ZC2HC1B: variants seen among roughly 807,000 people sequenced by gnomAD.
The protein encoded by ZC2HC1B is zinc finger C2HC-type containing 1B, also known as zinc finger C2HC domain-containing protein 1B.
Under a neutral mutation model 31.0 loss-of-function variants are expected in ZC2HC1B, and 36 were observed. That is an observed-to-expected ratio of 1.16 (90% CI 0.89 to 1.54). ZC2HC1B has a LOEUF of 1.54. Among genes scored for constraint, ZC2HC1B ranks in the 40% most tolerant of loss-of-function variants. ZC2HC1B has a pLI of 0.00. For synonymous variants in ZC2HC1B, 73 were observed against 88.0 expected (o/e 0.83, Z 0.95); for missense variants, 260 against 268.6 (o/e 0.97, Z 0.22).
rs990274276 is a variant in ZC2HC1B, at chr6:143,921,018, G to C, written c.599-16631G>C. Among the ~76,000 whole-genome samples, 3 of 151,608 alleles carry C rather than the reference G, an allele frequency of 2.0e-5. No homozygotes were observed. Among genetic ancestry groups the C allele is most frequent in the African/African-American group, 7.3e-5 (3 of 41,206 alleles). On this transcript the variant is annotated intron_variant, in intron 6 of 7. Coordinates refer to ENST00000237275, the MANE Select transcript of ZC2HC1B (RefSeq NM_001013623.3). This position sits in a 1 kb window ranked among gnomAD's most constrained non-coding sequence, Gnocchi z 6.1. ...CGAATCCCAAATGTAATACAATGCT[G>C]TTTCTTCTTAATCCTGCTCCAGCTA...
chr6:143,877,272 C>CTTTTTTTTTTTTTTTTTTTT (rs34994479), intron 1 of ZC2HC1B, among the ~76,000 whole-genome samples: 3 of 42,594 alleles, frequency 7.0e-5, no homozygotes, highest in African/African-American at 2.4e-4. Flanking sequence ...TTTTTAATTT[C>CTTTTTTTTTTTTTTTTTTTT]TTTTTTTTTT....
At chr6:143,931,518 C>T (rs1313621102) in intron 6 of ZC2HC1B, among the ~76,000 whole-genome samples, 2 of 152,150 alleles carry the variant, frequency 1.3e-5, no homozygotes, top group African/African-American at 4.8e-5. Context: ...GTAGTGCTGG[C>T]ATGGTAGTGG....
chr6:143,889,614 A>G (rs1777573689), intron 4 of ZC2HC1B, among the ~76,000 whole-genome samples: 1 of 152,156 alleles, frequency 6.6e-6, no homozygotes, highest in Non-Finnish European at 1.5e-5. Context: ...AAGAAGACCT[A>G]TCAGTTTTAA....
At chr6:143,932,041 T>A (rs1044212154) in intron 6 of ZC2HC1B, among the ~76,000 whole-genome samples, 2 of 151,934 alleles carry the variant, frequency 1.3e-5, no homozygotes, top group African/African-American at 4.8e-5. Context: ...ACCCAGCTAA[T>A]TTTTAGTATT....
At chr6:143,920,270 C>G (rs1777972135) in intron 6 of ZC2HC1B, among the ~76,000 whole-genome samples, 1 of 152,092 alleles carries the variant, frequency 6.6e-6, no homozygotes, top group Admixed American at 6.6e-5. Flanking sequence ...ACACGAGGGT[C>G]TAGAACCATT....
At chr6:143,926,071 CTT>C (rs1389869083) in intron 6 of ZC2HC1B, among the ~76,000 whole-genome samples, 1 of 152,086 alleles carries the variant, frequency 6.6e-6, no homozygotes, top group Non-Finnish European at 1.5e-5. Context: ...AAAAAACTAA[CTT>C]TTCATTCCAT....
chr6:143,911,803 G>T lies in ZC2HC1B; in HGVS notation c.598+8651G>T, dbSNP rs561785806. Among the ~76,000 whole-genome samples the T allele has an allele frequency of 6.6e-6, 1 of 152,208 alleles. No homozygotes were observed. Among genetic ancestry groups the T allele is most frequent in the East Asian group, 1.9e-4 (1 of 5,174 alleles). ...GGGGTTCTCCACATTTCCTGAATTTGAATATTGGCCTGTCATGCTAGGTTG... is the reference window on the plus strand; with the variant it reads ...GGGGTTCTCCACATTTCCTGAATTTTAATATTGGCCTGTCATGCTAGGTTG... On this transcript the variant is annotated intron_variant, in intron 6 of 7. Coordinates refer to ENST00000237275, the MANE Select transcript of ZC2HC1B (RefSeq NM_001013623.3). The surrounding 1 kb of genome is among the most constrained non-coding windows in gnomAD (Gnocchi z 4.5).
intron 6 of ZC2HC1B, among the ~76,000 whole-genome samples, chr6:143,932,748 C>G (rs545865114): frequency 6.6e-6 from 1 of 152,254 alleles, no homozygotes; most frequent in Non-Finnish European, 1.5e-5. Flanking sequence ...TGTCATATTG[C>G]CAGAATTGCT....
At position 143,868,026 on chromosome 6, in the gene ZC2HC1B, A is replaced by G. The variant is rs986674768; in HGVS notation, c.28+3459A>G. ...TTGGATTGACAGCTTGACTGAATAT[A>G]GAATTCTTGGTTGTAGATTATTTTA... On this transcript the variant is annotated intron_variant, in intron 1 of 7. Coordinates refer to ENST00000237275, the MANE Select transcript of ZC2HC1B (RefSeq NM_001013623.3). The surrounding 1 kb of genome is among the most constrained non-coding windows in gnomAD (Gnocchi z 4.2). Among the ~76,000 whole-genome samples, 5 of 152,212 alleles carry G rather than the reference A, an allele frequency of 3.3e-5. No individual in the cohort carries two copies. Among genetic ancestry groups the G allele is most frequent in the African/African-American group, 1.2e-4 (5 of 41,454 alleles).
At chr6:143,935,646 CTTTTTTTT>C (rs759896830) in intron 6 of ZC2HC1B, among the ~76,000 whole-genome samples, 13 of 55,854 alleles carry the variant, frequency 2.3e-4, no homozygotes, top group Admixed American at 1.6e-3. Flanking sequence ...TGGTATCACT[CTTTTTTTT>C]TTTTTTTTTT....
In ZC2HC1B at chr6:143,865,812, A is replaced by T. The variant is rs116600187; in HGVS notation, c.28+1245A>T. On this transcript the variant is annotated intron_variant, in intron 1 of 7. Coordinates refer to ENST00000237275, the MANE Select transcript of ZC2HC1B (RefSeq NM_001013623.3). This position sits in a 1 kb window ranked among gnomAD's most constrained non-coding sequence, Gnocchi z 4.4. The stretch of plus-strand genomic sequence containing the variant: ...GGGGGCAAAATCTTGAAGAATTTGT[A>T]TCTTAAACTTTTTTTTTTTGCCAAG... 6.6e-6 allele frequency among the ~76,000 whole-genome samples: 1 copy of T among 152,080 alleles called. No homozygotes were observed. The highest frequency in any genetic ancestry group is 1.5e-5 in the Non-Finnish European group (1 of 68,006).
chr6:143,930,388 T>C (rs946213129), intron 6 of ZC2HC1B, among the ~76,000 whole-genome samples: 1 of 147,918 alleles, frequency 6.8e-6, no homozygotes, highest in Non-Finnish European at 1.5e-5. Flanking sequence ...TTTCTTTTTT[T>C]TTTTTTTTTT....
At chr6:143,914,522 C>G (rs1777895568) in intron 6 of ZC2HC1B, among the ~76,000 whole-genome samples, 1 of 152,102 alleles carries the variant, frequency 6.6e-6, no homozygotes, top group Non-Finnish European at 1.5e-5. Context: ...TGCATGTGCC[C>G]TTGAGAAACA....
chr6:143,910,473 T>G (rs1428013398), intron 6 of ZC2HC1B, among the ~76,000 whole-genome samples: 1 of 152,238 alleles, frequency 6.6e-6, no homozygotes, highest in Non-Finnish European at 1.5e-5. Context: ...TTTAGATATC[T>G]ATCAGGCCCA....
chr6:143,878,743 TA>T lies in ZC2HC1B; in HGVS notation c.29-5559del, dbSNP rs1289016530. 2.0e-5 allele frequency among the ~76,000 whole-genome samples: 3 copies of T among 152,182 alleles called. 1 individual carries two copies. Among genetic ancestry groups the T allele is most frequent in the African/African-American group, 4.8e-5 (2 of 41,444 alleles). On this transcript the variant is annotated intron_variant, in intron 1 of 7. Coordinates refer to ENST00000237275, the MANE Select transcript of ZC2HC1B (RefSeq NM_001013623.3). Reference sequence around the variant, plus strand: ...TTGTGACCAGAGACTCACAGGAACCTAACCCTATATTTCCCCTAGGAGCCAC... The same window carrying T: ...TTGTGACCAGAGACTCACAGGAACCTACCCTATATTTCCCCTAGGAGCCAC...
chr6:143,937,825 A>G (rs1212598176), intron 7 of ZC2HC1B, 92 bp downstream of exon 7: 1 of 904,976 alleles, frequency 1.1e-6, no homozygotes, highest in Non-Finnish European at 1.6e-6. Context: ...CTGAAGAGAC[A>G]TCTGGACAAA....
chr6:143,910,499 A>G (rs185145714), intron 6 of ZC2HC1B, among the ~76,000 whole-genome samples: 20 of 152,336 alleles, frequency 1.3e-4, no homozygotes, highest in Admixed American at 3.3e-4. Context: ...TCCAGAGCTG[A>G]GTTCAAGTCC....
intron 4 of ZC2HC1B, 45 bp from the exon 5 acceptor site, chr6:143,898,507 G>A: frequency 1.3e-6 from 2 of 1,544,452 alleles, no homozygotes; most frequent in Non-Finnish European, 1.8e-6. Flanking sequence ...TTCTATAGTT[G>A]TTTTTGAAGT....
chr6:143,866,425 C>G (rs973936575), intron 1 of ZC2HC1B, among the ~76,000 whole-genome samples: 2 of 152,234 alleles, frequency 1.3e-5, no homozygotes, highest in Non-Finnish European at 2.9e-5. Flanking sequence ...AGCAGTGGCT[C>G]ACCACTGCTG....
Sources: gnomAD v4.1 joint callset for allele counts (sites outside exome capture counted in the v4.1 genomes callset) on GRCh38, gnomAD v4.1.1 for gene constraint, Gnocchi (gnomAD v3.1) non-coding constraint, MANE v1.5 for transcripts, NCBI Gene and HGNC (gene_info 2026-07-23, HGNC 2026-07-21) for gene names.